The following RABGAP1L variants were observed in gnomAD, a reference collection of about 807,000 sequenced individuals.
The protein encoded by RABGAP1L is rab GTPase-activating protein 1-like.
A neutral mutation model predicts 137.7 loss-of-function variants in RABGAP1L; 63 were observed. The observed-to-expected ratio is 0.46, with a 90% CI of 0.37 to 0.56. The LOEUF (loss-of-function observed/expected upper bound fraction) is 0.56, where lower values mean the gene tolerates loss of function less well. Among genes scored for constraint, RABGAP1L ranks in the 20% least tolerant of loss-of-function variants. RABGAP1L has a pLI of 0.00. For synonymous variants in RABGAP1L, 431 were observed against 433.7 expected, an observed-to-expected ratio of 0.99 and a Z score of 0.08; for missense variants, 1,095 against 1,244.0, an observed-to-expected ratio of 0.88 and a Z score of 1.80.
intron 13 of RABGAP1L, among the ~76,000 whole-genome samples, chr1:174,541,146 C>A (rs926313340): frequency 6.6e-6 from 1 of 152,148 alleles, no homozygotes; most frequent in Non-Finnish European, 1.5e-5. Flanking sequence ...ATTTTGTATT[C>A]TAGGACTTTG....
At chr1:174,412,383 A>G (rs1464860168) in intron 13 of RABGAP1L, among the ~76,000 whole-genome samples, 2 of 152,222 alleles carry the variant, frequency 1.3e-5, no homozygotes, top group East Asian at 3.9e-4. Context: ...GGTCTCTTGA[A>G]GACAGCAGAT....
chr1:174,622,867 G>T (rs116762775), intron 13 of RABGAP1L, among the ~76,000 whole-genome samples: 2 of 152,076 alleles, frequency 1.3e-5, no homozygotes, highest in Non-Finnish European at 2.9e-5. Context: ...AAAAAATACC[G>T]AAATTTTTGT....
At chr1:174,482,586 C>G (rs1042075726) in intron 13 of RABGAP1L, among the ~76,000 whole-genome samples, 2 of 152,162 alleles carry the variant, frequency 1.3e-5, no homozygotes, top group African/African-American at 4.8e-5. Flanking sequence ...TACCTCCTGG[C>G]TCAAGAAATG....
chr1:174,255,293 T>C (rs529480136), intron 7 of RABGAP1L, among the ~76,000 whole-genome samples: 1 of 152,202 alleles, frequency 6.6e-6, no homozygotes, highest in Non-Finnish European at 1.5e-5. Flanking sequence ...CAAAAGAATA[T>C]GATTATATTT....
chr1:174,214,637 A>G (rs1021718135), intron 1 of RABGAP1L, among the ~76,000 whole-genome samples: 1 of 152,200 alleles, frequency 6.6e-6, no homozygotes, highest in Non-Finnish European at 1.5e-5. Flanking sequence ...CTAGCAAGAA[A>G]CACATAGACC....
At chr1:174,987,871 G>A (rs1671734806) in intron 24 of RABGAP1L, among the ~76,000 whole-genome samples, 1 of 152,052 alleles carries the variant, frequency 6.6e-6, no homozygotes, top group Non-Finnish European at 1.5e-5. Context: ...GTGCAGTGGC[G>A]CGATCTCGGC....
At chr1:174,878,646 A>G (rs1392677424) in intron 19 of RABGAP1L, among the ~76,000 whole-genome samples, 2 of 152,132 alleles carry the variant, frequency 1.3e-5, no homozygotes, top group Non-Finnish European at 2.9e-5. Flanking sequence ...ATGAAGACCT[A>G]CTTCTCTATT....
At chr1:174,167,798 GAC>G (rs935880765) in intron 1 of RABGAP1L, among the ~76,000 whole-genome samples, 32 of 152,254 alleles carry the variant, frequency 2.1e-4, no homozygotes, top group Middle Eastern at 3.4e-3. Flanking sequence ...AGGTTTAAGA[GAC>G]ACATATCACT....
At chr1:174,585,593 G>A (rs925085804) in intron 13 of RABGAP1L, among the ~76,000 whole-genome samples, 3 of 152,210 alleles carry the variant, frequency 2.0e-5, no homozygotes, top group African/African-American at 7.2e-5. Flanking sequence ...GAGTACTTCA[G>A]TGGTTTTGTT....
intron 10 of RABGAP1L, among the ~76,000 whole-genome samples, chr1:174,297,886 C>T (rs1677273929): frequency 6.6e-6 from 1 of 152,134 alleles, no homozygotes; most frequent in South Asian, 2.1e-4. Context: ...CTTTTGCTGG[C>T]ATGTTGGGTT....
At chr1:174,858,143 G>A (rs1034494919) in intron 19 of RABGAP1L, among the ~76,000 whole-genome samples, 20 of 152,174 alleles carry the variant, frequency 1.3e-4, no homozygotes, top group African/African-American at 4.3e-4. Context: ...TTCCCAAGTA[G>A]TTGGGATTAC....
At chr1:174,892,440 T>C (rs909435351) in intron 19 of RABGAP1L, 18 of 428,692 alleles carry the variant, frequency 4.2e-5, no homozygotes, top group African/African-American at 3.8e-4. Context: ...CACGAAATTG[T>C]TCATCAGCGT....
At chr1:174,619,258 G>A (rs557027776) in intron 13 of RABGAP1L, among the ~76,000 whole-genome samples, 2 of 152,274 alleles carry the variant, frequency 1.3e-5, no homozygotes, top group South Asian at 2.1e-4. Flanking sequence ...TAGCAAGGCA[G>A]GCAACATTCA....
At chr1:174,667,326 A>T (rs985762494) in intron 14 of RABGAP1L, among the ~76,000 whole-genome samples, 4 of 152,188 alleles carry the variant, frequency 2.6e-5, no homozygotes, top group Admixed American at 1.3e-4. Context: ...ATATCTAAGA[A>T]GCATAATTCA....
intron 17 of RABGAP1L, among the ~76,000 whole-genome samples, chr1:174,741,657 C>T (rs897059761): frequency 6.6e-6 from 1 of 151,916 alleles, no homozygotes; most frequent in Non-Finnish European, 1.5e-5. Context: ...CCACTGTACC[C>T]GGCCCCCAGT....
At chr1:174,853,748 A>G (rs1184700584) in intron 19 of RABGAP1L, among the ~76,000 whole-genome samples, 4 of 152,072 alleles carry the variant, frequency 2.6e-5, no homozygotes, top group Non-Finnish European at 1.5e-5. Flanking sequence ...AAAAACAAAA[A>G]AAACAAAAAG....
At chr1:174,777,060 A>G (rs1469169833) in intron 18 of RABGAP1L, among the ~76,000 whole-genome samples, 1 of 152,238 alleles carries the variant, frequency 6.6e-6, no homozygotes, top group South Asian at 2.1e-4. Context: ...CCAGACTGCA[A>G]TATTGGTTTT....
intron 13 of RABGAP1L, among the ~76,000 whole-genome samples, chr1:174,519,680 C>T (rs1663196926): frequency 6.6e-6 from 1 of 152,114 alleles, no homozygotes; most frequent in Non-Finnish European, 1.5e-5. Flanking sequence ...AAAAGAGATG[C>T]CTCATTAAAT....
chr1:174,226,839 A>T (rs1670222404), intron 3 of RABGAP1L, among the ~76,000 whole-genome samples: 1 of 151,908 alleles, frequency 6.6e-6, no homozygotes, highest in Non-Finnish European at 1.5e-5. Flanking sequence ...ATACCTTTTT[A>T]AAATCCAGTT....
Sources: gnomAD v4.1 joint callset for allele counts (sites outside exome capture counted in the v4.1 genomes callset) on GRCh38, gnomAD v4.1.1 for gene constraint, MANE v1.5 for transcripts, NCBI Gene and HGNC (gene_info 2026-07-23, HGNC 2026-07-21) for gene names.